NCOR1: variants seen among roughly 807,000 people sequenced by gnomAD.
The protein encoded by NCOR1 is protein phosphatase 1, regulatory subunit 109.
A neutral mutation model predicts 288.1 loss-of-function variants in NCOR1; 63 were observed. The observed-to-expected ratio is 0.22, with a 90% CI of 0.18 to 0.27. The LOEUF is 0.27. NCOR1 is among the 10% of genes least tolerant of loss of function. NCOR1 has a pLI of 1.00. For missense variants in NCOR1, 2,397 were observed against 3,019.2 expected, an observed-to-expected ratio of 0.79 and a Z score of 4.83; for synonymous variants, 1,007 against 1,065.9, an observed-to-expected ratio of 0.94 and a Z score of 1.08.
rs2152996778 is a variant in NCOR1, at chr17:16,101,579, G to C, written c.2361C>G (p.Ser787Arg). Residue 787 changes from serine to arginine, a missense_variant, in exon 20 of 46, where the codon AGC becomes AGG. Coordinates refer to ENST00000268712, the MANE Select transcript of NCOR1 (RefSeq NM_006311.4). Reference protein sequence around the residue: ...DESVETQVNDSISAETAEQMD... With the variant: ...DESVETQVNDRISAETAEQMD... ...TCTGCTCTGCTGTCTCAGCACTGAT[G>C]CTGTCATTCACCTGGGTCTCCACAC... 1 of 1,614,194 alleles carries C rather than the reference G, an allele frequency of 6.2e-7. No individual in the cohort carries two copies. The highest frequency in any genetic ancestry group is 8.5e-7 in the Non-Finnish European group (1 of 1,180,048).
In NCOR1 at chr17:16,127,759, ATCTC is replaced by A. The variant is rs34456189; in HGVS notation, c.1510-1557_1510-1554del. Reference sequence around the variant, plus strand: ...TATATGTGTGGAGATATATATATATATCTCTCATAGTATATTAGGGTTCGGTACT... The same window carrying A: ...TATATGTGTGGAGATATATATATATATCATAGTATATTAGGGTTCGGTACT... On this transcript the variant is annotated intron_variant, in intron 14 of 45. Coordinates refer to ENST00000268712, the MANE Select transcript of NCOR1 (RefSeq NM_006311.4). Among the ~76,000 whole-genome samples, 13 of 134,260 alleles carry A rather than the reference ATCTC, an allele frequency of 9.7e-5. 1 individual carries two copies. Among genetic ancestry groups the A allele is most frequent in the African/African-American group, 3.4e-4 (12 of 35,104 alleles). 88.1% of individuals were successfully genotyped at this position (134,260 alleles called of 152,430 possible).
intron 1 of NCOR1, among the ~76,000 whole-genome samples, chr17:16,200,308 A>C (rs1287501291): frequency 4.0e-5 from 6 of 151,884 alleles, no homozygotes; most frequent in African/African-American, 1.5e-4. Context: ...CAACGTGGTA[A>C]AACTCCATCT....
At chr17:16,105,509 A>G (rs998267037) in intron 19 of NCOR1, among the ~76,000 whole-genome samples, 1 of 152,212 alleles carries the variant, frequency 6.6e-6, no homozygotes, top group African/African-American at 2.4e-5. Flanking sequence ...GGTAGGAGCA[A>G]TGGAGACAAG....
In NCOR1 at chr17:16,049,015, T is replaced by C. The variant is rs2058994404; in HGVS notation, c.6393-27A>G. On this transcript the variant is annotated intron_variant, in intron 40 of 45. Transcript: ENST00000268712. The stretch of plus-strand genomic sequence containing the variant: ...TATTGTAATATGTGAAATATTAGAT[T>C]GTGTTTCAAAGGCTAACCTGGGACT... The C allele has an allele frequency of 3.2e-6, 5 of 1,568,748 alleles. No homozygotes were observed. The African/African-American group carries it at 4.1e-5, about 13-fold the overall frequency.
At chr17:16,097,208 G>A (rs976287989) in intron 21 of NCOR1, among the ~76,000 whole-genome samples, 28 of 152,228 alleles carry the variant, frequency 1.8e-4, no homozygotes, top group Non-Finnish European at 2.5e-4. Flanking sequence ...CTCAGGATAA[G>A]GGCTGACAGC....
chr17:16,103,118 G>A lies in NCOR1; in HGVS notation c.2183-1361C>T, dbSNP rs113371744. 6.4e-3 allele frequency among the ~76,000 whole-genome samples: 977 copies of A among 152,248 alleles called. 14 individuals carry two copies. The highest frequency in any genetic ancestry group is 0.023 in the African/African-American group (944 of 41,536). On this transcript the variant is annotated intron_variant, in intron 19 of 45. Coordinates refer to ENST00000268712, the MANE Select transcript of NCOR1 (RefSeq NM_006311.4). ...GACATCTTTACCTAGATATATCAAAGGCAGCACAAATTCAGTATGTCCTGT... is the reference window on the plus strand; with the variant it reads ...GACATCTTTACCTAGATATATCAAAAGCAGCACAAATTCAGTATGTCCTGT...
At chr17:16,097,213 G>A (rs1393059485) in intron 21 of NCOR1, among the ~76,000 whole-genome samples, 2 of 152,218 alleles carry the variant, frequency 1.3e-5, no homozygotes, top group Non-Finnish European at 2.9e-5. Flanking sequence ...GATAAGGGCT[G>A]ACAGCCCAAA....
chr17:16,095,237 A>C (rs1454952578), intron 21 of NCOR1, among the ~76,000 whole-genome samples: 2 of 141,000 alleles, frequency 1.4e-5, no homozygotes, highest in Non-Finnish European at 3.1e-5. Flanking sequence ...GGATGTGAGG[A>C]GCACCTCGGC....
In NCOR1 at chr17:16,060,447, A is replaced by T. The variant is rs533879836; in HGVS notation, c.5881+954T>A. 1.8e-4 allele frequency among the ~76,000 whole-genome samples: 28 copies of T among 152,322 alleles called. No individual in the cohort carries two copies. In the South Asian group the frequency reaches 5.8e-3, roughly 32 times the overall value. ...AAAAGACCTATTCATACAACTATAG[A>T]ATATCTCTTTCTCAGCTAGCAATTT... On this transcript the variant is annotated intron_variant, in intron 37 of 45. Coordinates refer to ENST00000268712, the MANE Select transcript of NCOR1 (RefSeq NM_006311.4).
chr17:16,058,313 T>A lies in NCOR1; in HGVS notation c.6010+158A>T. ...AACAATTTTCTGTATCATTAAAAAATAAAAAAGAATCGATTGCTGTTTCTA... is the reference window on the plus strand; with the variant it reads ...AACAATTTTCTGTATCATTAAAAAAAAAAAAAGAATCGATTGCTGTTTCTA... On this transcript the variant is annotated intron_variant, in intron 38 of 45. Transcript: ENST00000268712. The A allele has an allele frequency of 9.8e-7, 1 of 1,017,848 alleles. No homozygotes were observed. Among genetic ancestry groups the A allele is most frequent in the Non-Finnish European group, 1.4e-6 (1 of 725,404 alleles). 63.1% of individuals were successfully genotyped at this position (1,017,848 alleles called of 1,614,324 possible). A position where few individuals can be genotyped will look rare whatever the true frequency, so the allele number is the denominator to read the frequency against.
chr17:16,193,967 T>C (rs2153557415), intron 2 of NCOR1, among the ~76,000 whole-genome samples: 1 of 152,312 alleles, frequency 6.6e-6, no homozygotes. Flanking sequence ...CCTCATACTT[T>C]ATTTTTCACA....
chr17:16,142,025 G>T (rs987791359), intron 11 of NCOR1, among the ~76,000 whole-genome samples: 7 of 152,034 alleles, frequency 4.6e-5, no homozygotes, highest in Non-Finnish European at 1.0e-4. Flanking sequence ...TATCACAATT[G>T]GCAATTTTAA....
At chr17:16,135,861 G>GA (rs2076317869) in intron 14 of NCOR1, among the ~76,000 whole-genome samples, 1 of 152,218 alleles carries the variant, frequency 6.6e-6, no homozygotes, top group African/African-American at 2.4e-5. Flanking sequence ...ATCAAACGAA[G>GA]AAAGGGAGTA....
intron 21 of NCOR1, among the ~76,000 whole-genome samples, chr17:16,094,800 C>T (rs1436652251): frequency 2.0e-5 from 3 of 152,190 alleles, no homozygotes; most frequent in Non-Finnish European, 4.4e-5. Context: ...CTCCTAACCG[C>T]GAGTGATCCA....
rs1413493028 is a variant in NCOR1, at chr17:16,079,983, A to G, written c.3482T>C (p.Leu1161Pro). The G allele has an allele frequency of 9.3e-6, 15 of 1,613,880 alleles. No homozygotes were observed. The highest frequency in any genetic ancestry group is 1.3e-5 in the African/African-American group (1 of 75,050). The change falls in exon 26 of 46, where the codon CTA (leucine) becomes CCA (proline). Residue 1161 changes from leucine (L) to proline (P), a missense_variant. Leu to Pro is a moderately conservative substitution (Grantham distance 98). Transcript: ENST00000268712. ...SKISVESIPS[L>P]RGSITQGTPA... ...ACTAACCTGAGTGATAGAGCCCCGT[A>G]GGGATGGAATGCTCTCCACTGAAAT...
chr17:16,106,776 G>A (rs1413524621), intron 19 of NCOR1, among the ~76,000 whole-genome samples: 1 of 145,906 alleles, frequency 6.9e-6, no homozygotes, highest in Non-Finnish European at 1.5e-5. Context: ...ATTCTACTGG[G>A]AAAATCATTT....
At position 16,091,742 on chromosome 17, in the gene NCOR1, A is replaced by ATAAC. The variant is rs1229113786; in HGVS notation, c.3016+120_3016+121insGTTA. On this transcript the variant is annotated intron_variant, in intron 22 of 45. Coordinates refer to ENST00000268712, the MANE Select transcript of NCOR1 (RefSeq NM_006311.4). ...GTCAATTTAAGGAACTGTGTCTGTT[A>ATAAC]GGACAAATATAATAATCAGTTGGGA... 6 of 1,538,304 alleles carry ATAAC rather than the reference A, an allele frequency of 3.9e-6. No individual in the cohort carries two copies. The Middle Eastern group carries it at 7.2e-4, about 185-fold the overall frequency.
chr17:16,158,706 G>A, intron 6 of NCOR1, 54 bp downstream of exon 6: 1 of 1,035,956 alleles, frequency 9.7e-7, no homozygotes, highest in Non-Finnish European at 1.4e-6. Flanking sequence ...AACTGAAAAG[G>A]GCATCGTCAA....
At chr17:16,052,090 G>C (rs1212848422) in intron 40 of NCOR1, among the ~76,000 whole-genome samples, 2 of 151,904 alleles carry the variant, frequency 1.3e-5, no homozygotes, top group African/African-American at 4.8e-5. Context: ...CTCACTGCAA[G>C]CTCCGCCTCC....
Sources: allele counts gnomAD v4.1 joint callset (sites outside exome capture counted in the v4.1 genomes callset), GRCh38; gene constraint gnomAD v4.1.1; transcripts MANE v1.5; gene names NCBI Gene and HGNC (gene_info 2026-07-23, HGNC 2026-07-21).